Variants in KIF6 observed in about 807,000 individuals in gnomAD.
The protein encoded by KIF6 is kinesin-like protein KIF6.
KIF6 carries 106 observed loss-of-function variants against 112.7 expected under a neutral mutation model. The ratio of observed to expected loss-of-function variants is 0.94; its 90% confidence interval spans 0.80 to 1.11. The LOEUF (loss-of-function observed/expected upper bound fraction) is 1.11, where lower values mean the gene tolerates loss of function less well. Ranked by LOEUF, KIF6 falls within the 50% of genes least tolerant of loss-of-function variation. The pLI is 0.00. For synonymous variants in KIF6, 339 were observed against 339.9 expected (o/e 1.00, Z 0.03); for missense variants, 929 against 964.0 (o/e 0.96, Z 0.48).
intron 13 of KIF6, among the ~76,000 whole-genome samples, chr6:39,513,905 C>A (rs1776920400): frequency 6.6e-6 from 1 of 152,122 alleles, no homozygotes; most frequent in African/African-American, 2.4e-5. Context: ...TTTCTATCCT[C>A]TCTATGGAAA....
At chr6:39,355,990 A>C (rs1447719960) in intron 19 of KIF6, among the ~76,000 whole-genome samples, 2 of 150,618 alleles carry the variant, frequency 1.3e-5, no homozygotes, top group Non-Finnish European at 1.5e-5. Context: ...GTTTTTCCCT[A>C]AAGCCTTTTT....
intron 15 of KIF6, among the ~76,000 whole-genome samples, chr6:39,410,497 A>G (rs1164659249): frequency 3.3e-5 from 5 of 152,224 alleles, no homozygotes; most frequent in Non-Finnish European, 4.4e-5. Flanking sequence ...AAAAAACACT[A>G]TAAGTAAATT....
chr6:39,342,721 G>C lies in KIF6; in HGVS notation c.2428+988C>G. The stretch of plus-strand genomic sequence containing the variant: ...AGAAAGGACCTGACAGTGTTGCTGA[G>C]GCTGCTGGTCCTGGTGGTGAAGAGA... On this transcript the variant is annotated intron_variant, in intron 22 of 22. Coordinates refer to ENST00000287152, the MANE Select transcript of KIF6 (RefSeq NM_145027.6). This position sits in a 1 kb window ranked among gnomAD's most constrained non-coding sequence, Gnocchi z 4.7. 1.1e-6 allele frequency: 1 copy of C among 876,172 alleles called. No individual in the cohort carries two copies. Among genetic ancestry groups the C allele is most frequent in the South Asian group, 5.2e-5 (1 of 19,108 alleles). 54.3% of individuals were successfully genotyped at this position (876,172 alleles called of 1,614,324 possible).
intron 5 of KIF6, among the ~76,000 whole-genome samples, chr6:39,634,383 A>G (rs1784514444): frequency 1.3e-5 from 2 of 152,160 alleles, no homozygotes; most frequent in African/African-American, 4.8e-5. Flanking sequence ...TGATTGCCAA[A>G]GTTAGCATTA....
In KIF6 at chr6:39,720,714, C is replaced by G; in HGVS notation, c.164G>C (p.Ser55Thr). 6.4e-7 allele frequency: 1 copy of G among 1,573,044 alleles called. No homozygotes were observed. The highest frequency in any genetic ancestry group is 8.7e-7 in the Non-Finnish European group (1 of 1,143,242). Reference protein sequence around the residue: ...ADGFVNNKRESYKFKFQRIFD... With the variant: ...ADGFVNNKRETYKFKFQRIFD... ...AAGAAAAACTTACTTAAATTTGTAG[C>G]TTTCTCGCTTATTATTCACAAACCC... is the stretch of plus-strand genomic sequence containing the variant. Residue 55 changes from serine (S) to threonine (T), a missense_variant, in exon 2 of 23, where the codon AGC becomes ACC. Around this residue, in one of 2 missense-constraint regions of KIF6, gnomAD observed 688 missense variants for 662.7 expected, o/e 1.04. Transcript: ENST00000287152.
chr6:39,472,139 C>T (rs1043661129), intron 13 of KIF6, among the ~76,000 whole-genome samples: 8 of 152,124 alleles, frequency 5.3e-5, no homozygotes, highest in Admixed American at 1.3e-4. Context: ...TACTCTTCAC[C>T]TTTCATGCCC....
chr6:39,603,759 A>G (rs1782714613), intron 6 of KIF6, among the ~76,000 whole-genome samples: 1 of 152,174 alleles, frequency 6.6e-6, no homozygotes, highest in Admixed American at 6.6e-5. Flanking sequence ...AAATGATTAT[A>G]GACAGTTAAT....
intron 22 of KIF6, among the ~76,000 whole-genome samples, chr6:39,340,427 G>A (rs1487111949): frequency 1.3e-5 from 2 of 152,140 alleles, no homozygotes; most frequent in Non-Finnish European, 2.9e-5. Flanking sequence ...GGTAGTTGCA[G>A]CTTTTCAAGA....
chr6:39,373,023 C>T (rs186314540), intron 16 of KIF6, among the ~76,000 whole-genome samples: 43 of 152,078 alleles, frequency 2.8e-4, no homozygotes, highest in Admixed American at 1.6e-3. Context: ...CGAGATTTGC[C>T]GAGCACAGAT....
At chr6:39,633,543 T>C (rs1238481871) in intron 5 of KIF6, among the ~76,000 whole-genome samples, 2 of 152,216 alleles carry the variant, frequency 1.3e-5, no homozygotes, top group African/African-American at 2.4e-5. Flanking sequence ...AGAGGACTTA[T>C]TTGTTGAGTT....
chr6:39,407,152 A>G (rs2150347569), intron 15 of KIF6, among the ~76,000 whole-genome samples: 1 of 152,314 alleles, frequency 6.6e-6, no homozygotes, highest in Admixed American at 6.5e-5. Flanking sequence ...TAAGCAGACA[A>G]TCAGCCTGAT....
chr6:39,390,051 A>AAGGAAAT (rs1321083122), intron 15 of KIF6, among the ~76,000 whole-genome samples: 3 of 150,612 alleles, frequency 2.0e-5, no homozygotes, highest in Non-Finnish European at 4.4e-5. Flanking sequence ...AAAAAAAAAA[A>AAGGAAAT]AGGAAATAAT....
intron 3 of KIF6, among the ~76,000 whole-genome samples, chr6:39,686,911 T>C (rs1787901281): frequency 6.6e-6 from 1 of 152,214 alleles, no homozygotes; most frequent in Non-Finnish European, 1.5e-5. Context: ...ATTTTAATGA[T>C]CCAAAGATCC....
At chr6:39,581,766 T>G (rs947570270) in intron 9 of KIF6, among the ~76,000 whole-genome samples, 1 of 152,100 alleles carries the variant, frequency 6.6e-6, no homozygotes, top group Non-Finnish European at 1.5e-5. Context: ...TAATCTCTAT[T>G]CCTTTGCTAC....
At chr6:39,691,236 G>A (rs776286745) in intron 3 of KIF6, 1 of 152,176 alleles carries the variant, frequency 6.6e-6, no homozygotes, top group Non-Finnish European at 1.5e-5. Context: ...TCTGAGAGAA[G>A]AGTAAAGGAA....
chr6:39,413,196 A>C (rs1314981281), intron 15 of KIF6, among the ~76,000 whole-genome samples: 1 of 152,118 alleles, frequency 6.6e-6, no homozygotes, highest in African/African-American at 2.4e-5. Flanking sequence ...ACTTAAATCC[A>C]ATCTTTAAGC....
At chr6:39,497,017 C>T (rs990576193) in intron 13 of KIF6, among the ~76,000 whole-genome samples, 6 of 152,246 alleles carry the variant, frequency 3.9e-5, no homozygotes, top group African/African-American at 1.4e-4. Context: ...AGGTGCCTTG[C>T]CCGCCTTTGC....
At chr6:39,534,376 T>C (rs1255339861) in intron 13 of KIF6, among the ~76,000 whole-genome samples, 1 of 152,142 alleles carries the variant, frequency 6.6e-6, no homozygotes, top group Non-Finnish European at 1.5e-5. Context: ...AAGGAGCTGA[T>C]GGAGCTGAAA....
chr6:39,586,328 T>A lies in KIF6; in HGVS notation c.923A>T (p.Asp308Val), dbSNP rs757976363. The part of the protein sequence containing the change: ...RNSMMTSVLR[D>V]SLGGNCMTTM... The stretch of plus-strand genomic sequence containing the variant: ...TGTCATGCAGTTCCCTCCCAAACTG[T>A]CTCTTAGGACACTGGTCATCATGGA... Residue 308 changes from aspartate to valine, a missense_variant, in exon 8 of 23, where the codon GAC becomes GTC. By Grantham distance (152) the Asp-to-Val change is radical (BLOSUM62 -3). This residue lies in a region of KIF6 where 688 missense variants were observed against 662.7 expected (regional missense o/e 1.04). Transcript: ENST00000287152. 2 of 1,614,020 alleles carry A rather than the reference T, an allele frequency of 1.2e-6. No individual in the cohort carries two copies. Among genetic ancestry groups the A allele is most frequent in the Non-Finnish European group, 1.7e-6 (2 of 1,179,896 alleles).
Sources: allele counts gnomAD v4.1 joint callset (sites outside exome capture counted in the v4.1 genomes callset), GRCh38; gene constraint gnomAD v4.1.1; regional missense constraint gnomAD v4.1.1; non-coding constraint Gnocchi (gnomAD v3.1); transcripts MANE v1.5; gene names NCBI Gene and HGNC (gene_info 2026-07-23, HGNC 2026-07-21).